Variants in SLIT1 observed in about 807,000 individuals in gnomAD.
SLIT1 encodes slit homolog 1 protein.
A neutral mutation model predicts 186.1 loss-of-function variants in SLIT1; 66 were observed. That is an observed-to-expected ratio of 0.35 (90% CI 0.29 to 0.44). The LOEUF is 0.44. SLIT1 is among the 20% of genes least tolerant of loss of function. The pLI, the probability that SLIT1 is intolerant of heterozygous loss-of-function variation, is 1.00. For synonymous variants in SLIT1, 761 were observed against 833.8 expected, an observed-to-expected ratio of 0.91 and a Z score of 1.50; for missense variants, 1,638 against 2,037.4, an observed-to-expected ratio of 0.80 and a Z score of 3.77.
chr10:97,125,191 C>T (rs1480438727), intron 4 of SLIT1, among the ~76,000 whole-genome samples: 1 of 152,154 alleles, frequency 6.6e-6, no homozygotes, highest in Non-Finnish European at 1.5e-5. Flanking sequence ...CTTTGACTTA[C>T]CACCTCCATT....
At chr10:97,062,561 G>T (rs1344630049) in intron 8 of SLIT1, among the ~76,000 whole-genome samples, 2 of 152,250 alleles carry the variant, frequency 1.3e-5, no homozygotes, top group African/African-American at 4.8e-5. Flanking sequence ...ATCACAGAAG[G>T]CTCCCTGGGC....
intron 21 of SLIT1, among the ~76,000 whole-genome samples, chr10:97,038,532 G>A (rs1185151706): frequency 6.6e-6 from 1 of 152,082 alleles, no homozygotes; most frequent in Admixed American, 6.5e-5. Context: ...CATTTCTACA[G>A]GATAGAGCTT....
At position 97,060,161 on chromosome 10, in the gene SLIT1, G is replaced by A; in HGVS notation, c.942-3C>T. 6.2e-7 allele frequency: 1 copy of A among 1,613,810 alleles called. No homozygotes were observed. ...TGATGCCGTTCAGCTCCAGGCGTCT[G>A]CGGGGAGAAAAGAGAGGGGAAGCCC... On this transcript the variant is annotated splice_polypyrimidine_tract_variant and splice_region_variant and intron_variant, in intron 9 of 36. Transcript: ENST00000266058.
In SLIT1 at chr10:97,172,825, T is replaced by C. The variant is rs577682401; in HGVS notation, c.198-7935A>G. Among the ~76,000 whole-genome samples the C allele has an allele frequency of 2.3e-4, 35 of 151,846 alleles. No homozygotes were observed. The East Asian group carries it at 3.9e-3, about 17-fold the overall frequency. ...GGGGGGATCACTTGAGCCCAGGAGG[T>C]TGAGGCTGCAATGAGCTATGATTGC... On this transcript the variant is annotated intron_variant, in intron 1 of 36. Coordinates refer to ENST00000266058, the MANE Select transcript of SLIT1 (RefSeq NM_003061.3).
intron 1 of SLIT1, among the ~76,000 whole-genome samples, chr10:97,177,445 G>C (rs150987110): frequency 6.6e-6 from 1 of 152,068 alleles, no homozygotes; most frequent in Non-Finnish European, 1.5e-5. Flanking sequence ...ACTTCCCCTC[G>C]TATCTTGGCC....
chr10:97,045,678 T>G (rs990138181), intron 18 of SLIT1, among the ~76,000 whole-genome samples: 4 of 152,194 alleles, frequency 2.6e-5, no homozygotes, highest in Non-Finnish European at 4.4e-5. Context: ...AGGAACAGCC[T>G]GGAAAGAAGG....
chr10:97,100,180 T>C (rs949686301), intron 4 of SLIT1, among the ~76,000 whole-genome samples: 4 of 152,056 alleles, frequency 2.6e-5, no homozygotes, highest in Non-Finnish European at 5.9e-5. Flanking sequence ...CAGAAACATG[T>C]TTGACATGAA....
At chr10:97,105,492 G>A (rs1293267274) in intron 4 of SLIT1, among the ~76,000 whole-genome samples, 1 of 152,198 alleles carries the variant, frequency 6.6e-6, no homozygotes, top group Non-Finnish European at 1.5e-5. Context: ...TGGCTACATC[G>A]CAGGGGCCTC....
chr10:97,032,112 C>G (rs759637982), intron 23 of SLIT1, among the ~76,000 whole-genome samples: 2 of 152,208 alleles, frequency 1.3e-5, no homozygotes, highest in Non-Finnish European at 2.9e-5. Flanking sequence ...GGGAGCTCAC[C>G]GTCTCAGCCG....
Position 97,006,224 on chromosome 10 carries a change from T to G in SLIT1, c.3579+259A>C, listed in dbSNP as rs555179201. Among the ~76,000 whole-genome samples the G allele has an allele frequency of 2.0e-5, 3 of 152,340 alleles. No individual in the cohort carries two copies. The highest frequency in any genetic ancestry group is 2.9e-5 in the Non-Finnish European group (2 of 68,016). Reference sequence around the variant, plus strand: ...GACAAGAAATGGTGGGAAGGGATGATGGCAAGCCTGGTTTTCTGGATTCAG... The same window carrying G: ...GACAAGAAATGGTGGGAAGGGATGAGGGCAAGCCTGGTTTTCTGGATTCAG... On this transcript the variant is annotated intron_variant, in intron 32 of 36. Transcript: ENST00000266058. This position sits in a 1 kb window ranked among gnomAD's most constrained non-coding sequence, Gnocchi z 4.0.
chr10:97,066,447 G>A (rs1848947360), intron 4 of SLIT1, among the ~76,000 whole-genome samples: 1 of 152,186 alleles, frequency 6.6e-6, no homozygotes, highest in African/African-American at 2.4e-5. Context: ...CAAATCTCGT[G>A]TTGAATGGTA....
intron 4 of SLIT1, among the ~76,000 whole-genome samples, chr10:97,071,614 T>C (rs1849001744): frequency 6.6e-6 from 1 of 152,200 alleles, no homozygotes; most frequent in Non-Finnish European, 1.5e-5. Flanking sequence ...GAGGAATCAA[T>C]GGCGGGTACT....
intron 13 of SLIT1, among the ~76,000 whole-genome samples, chr10:97,050,129 CA>C (rs1210433496): frequency 6.6e-6 from 1 of 152,078 alleles, no homozygotes; most frequent in Non-Finnish European, 1.5e-5. Flanking sequence ...GCCTGGTCAA[CA>C]AGAGCGAAAC....
rs139676507 is a variant in SLIT1 at position 97,144,067 on chromosome 10, G to A, written c.413+13751C>T. ...CCAAAAATTAGCTGGGCGTGGTGGC[G>A]GGTGCCTGTGGTCCCAGGTACTCAG... On this transcript the variant is annotated intron_variant, in intron 4 of 36. Transcript: ENST00000266058. Among the ~76,000 whole-genome samples, 79 of 152,148 alleles carry A rather than the reference G, an allele frequency of 5.2e-4. No individual in the cohort carries two copies. The East Asian group carries it at 0.014, about 27-fold the overall frequency.
At chr10:97,063,270 G>A (rs1848909837) in intron 8 of SLIT1, among the ~76,000 whole-genome samples, 185 bp downstream of exon 8, 1 of 151,912 alleles carries the variant, frequency 6.6e-6, no homozygotes, top group Admixed American at 6.6e-5. Context: ...GGATGGGGCA[G>A]GAGGGGCAGA....
chr10:97,134,761 T>G lies in SLIT1; in HGVS notation c.413+23057A>C, dbSNP rs185131171. On this transcript the variant is annotated intron_variant, in intron 4 of 36. Transcript: ENST00000266058. The stretch of plus-strand genomic sequence containing the variant: ...CACCTTTTGCCTGTGGAAGTGACAT[T>G]CTCTTCCCCTTTGATTTTTTGGGGC... Among the ~76,000 whole-genome samples the G allele has an allele frequency of 1.0e-3, 155 of 152,308 alleles. 1 individual carries two copies. Among genetic ancestry groups the G allele is most frequent in the African/African-American group, 3.6e-3 (148 of 41,558 alleles).
chr10:97,123,789 GA>G (rs5787219), intron 4 of SLIT1, among the ~76,000 whole-genome samples: 68,354 of 134,378 alleles, frequency 0.51, 17,903 homozygotes, highest in South Asian at 0.66. Context: ...GACTCTGTCT[GA>G]AAAAAAAAAA....
Position 97,048,001 on chromosome 10 carries a change from G to A in SLIT1, c.1466-5C>T, listed in dbSNP as rs1454608637. 1.9e-6 allele frequency: 3 copies of A among 1,614,126 alleles called. No individual in the cohort carries two copies. The Admixed American group carries it at 5.0e-5, about 27-fold the overall frequency. ...GAATGAAGTACTGCTCTTTGGCTGG[G>A]AAGAGAAGCAGAAATACCATAATGC... is the stretch of plus-strand genomic sequence containing the variant. On this transcript the variant is annotated splice_region_variant and splice_polypyrimidine_tract_variant and intron_variant, in intron 14 of 36. Transcript: ENST00000266058.
chr10:97,084,144 T>C (rs369344242), intron 4 of SLIT1, among the ~76,000 whole-genome samples: 5 of 152,184 alleles, frequency 3.3e-5, no homozygotes, highest in African/African-American at 7.2e-5. Context: ...CTGACCACCA[T>C]TGTGAATATC....
Sources: allele counts gnomAD v4.1 joint callset (sites outside exome capture counted in the v4.1 genomes callset), GRCh38; gene constraint gnomAD v4.1.1; non-coding constraint Gnocchi (gnomAD v3.1); transcripts MANE v1.5; gene names NCBI Gene and HGNC (gene_info 2026-07-23, HGNC 2026-07-21).